The following USP12 variants were observed in gnomAD, a reference collection of about 807,000 sequenced individuals.
The protein encoded by USP12 is ubiquitin specific peptidase 12.
A neutral mutation model predicts 45.5 loss-of-function variants in USP12; 19 were observed. The observed-to-expected ratio is 0.42, with a 90% CI of 0.29 to 0.61. USP12 has a LOEUF of 0.61. Among genes scored for constraint, USP12 ranks in the 20% least tolerant of loss-of-function variants. The pLI is 0.22. For synonymous variants in USP12, 149 were observed against 148.8 expected, an observed-to-expected ratio of 1.00 and a Z score of -0.01; for missense variants, 242 against 447.7, an observed-to-expected ratio of 0.54 and a Z score of 4.15.
At chr13:27,147,267 C>A (rs960355366) in intron 1 of USP12, among the ~76,000 whole-genome samples, 1 of 152,192 alleles carries the variant, frequency 6.6e-6, no homozygotes, top group Non-Finnish European at 1.5e-5. Flanking sequence ...AGAATGATAC[C>A]TAATCTAAGC....
chr13:27,152,096 T>A (rs560376459), intron 1 of USP12, among the ~76,000 whole-genome samples: 7 of 152,216 alleles, frequency 4.6e-5, no homozygotes, highest in South Asian at 4.1e-4. Context: ...GTCTGGTAGA[T>A]CCTCAAAAGA....
At chr13:27,097,379 C>T (rs1013149134) in intron 3 of USP12, among the ~76,000 whole-genome samples, 1 of 152,160 alleles carries the variant, frequency 6.6e-6, no homozygotes, top group African/African-American at 2.4e-5. Context: ...GCAGAAGAAT[C>T]GCTTGAACCC....
intron 1 of USP12, among the ~76,000 whole-genome samples, chr13:27,149,000 T>C (rs1013277277): frequency 6.6e-6 from 1 of 151,780 alleles, no homozygotes; most frequent in Non-Finnish European, 1.5e-5. Flanking sequence ...CTGGGCAACA[T>C]GGTGAGAACC....
rs552573383 is a variant in USP12 at position 27,096,826 on chromosome 13, T to C, written c.344-996A>G. ...ACATTTTATTTTTAGATCCTCAATG[T>C]ACATTTAATAAGTTCCAGAAAGATT... On this transcript the variant is annotated intron_variant, in intron 3 of 8. Transcript: ENST00000282344. 5.9e-5 allele frequency among the ~76,000 whole-genome samples: 9 copies of C among 152,294 alleles called. No homozygotes were observed. In the East Asian group the frequency reaches 1.7e-3, roughly 29 times the overall value.
chr13:27,115,523 CTATTT>C (rs1875686924), intron 2 of USP12, among the ~76,000 whole-genome samples: 1 of 152,130 alleles, frequency 6.6e-6, no homozygotes, highest in African/African-American at 2.4e-5. Context: ...ACTGTGTTAC[CTATTT>C]TATCAATATA....
intron 1 of USP12, among the ~76,000 whole-genome samples, chr13:27,171,034 G>A (rs537060983): frequency 1.3e-5 from 2 of 152,174 alleles, no homozygotes; most frequent in Non-Finnish European, 2.9e-5. Flanking sequence ...TCCTCTCCCA[G>A]GCGGGAATGA....
At chr13:27,165,926 A>AAT (rs1555240242) in intron 1 of USP12, among the ~76,000 whole-genome samples, 1 of 152,024 alleles carries the variant, frequency 6.6e-6, no homozygotes, top group Non-Finnish European at 1.5e-5. Flanking sequence ...AGAGCAAAAA[A>AAT]AATAATAATA....
rs915669046 is a variant in USP12, at chr13:27,153,559, C to T, written c.48+18033G>A. Among the ~76,000 whole-genome samples, 10 of 152,238 alleles carry T rather than the reference C, an allele frequency of 6.6e-5. No individual in the cohort carries two copies. The South Asian group carries it at 1.2e-3, about 19-fold the overall frequency. ...AAAAGCTGTGCTATCATCCATTAATCGGTACATTAGAGTTACAGATCCTTT... is the reference window on the plus strand; with the variant it reads ...AAAAGCTGTGCTATCATCCATTAATTGGTACATTAGAGTTACAGATCCTTT... On this transcript the variant is annotated intron_variant, in intron 1 of 8. Coordinates refer to ENST00000282344, the MANE Select transcript of USP12 (RefSeq NM_182488.4).
chr13:27,077,787 C>T (rs1873558967), intron 6 of USP12: 1 of 152,032 alleles, frequency 6.6e-6, no homozygotes, highest in African/African-American at 2.4e-5. Flanking sequence ...AGTTGATTTC[C>T]TGCTCAAAAC....
chr13:27,143,698 A>AT (rs1491054647), intron 1 of USP12, among the ~76,000 whole-genome samples: 2 of 152,250 alleles, frequency 1.3e-5, no homozygotes, highest in African/African-American at 2.4e-5. Context: ...CATGTTCCAC[A>AT]TGATAACCTG....
chr13:27,069,702 C>CTG (rs1339045657), intron 8 of USP12, among the ~76,000 whole-genome samples: 1 of 152,218 alleles, frequency 6.6e-6, no homozygotes, highest in Non-Finnish European at 1.5e-5. Context: ...AATCCCAGTA[C>CTG]TGTGGGAGGC....
At chr13:27,160,234 T>G (rs746175178) in intron 1 of USP12, among the ~76,000 whole-genome samples, 1 of 152,218 alleles carries the variant, frequency 6.6e-6, no homozygotes, top group Non-Finnish European at 1.5e-5. Flanking sequence ...AAGACAATGA[T>G]ACAAATATCC....
chr13:27,127,234 G>A (rs1475469014), intron 1 of USP12, among the ~76,000 whole-genome samples: 2 of 152,152 alleles, frequency 1.3e-5, no homozygotes, highest in Non-Finnish European at 2.9e-5. Context: ...AAGTAGAAGG[G>A]TCTAGACCTA....
In USP12 at chr13:27,125,553, G is replaced by C. The variant is rs1260408636; in HGVS notation, c.49-8957C>G. Among the ~76,000 whole-genome samples, 4 of 152,312 alleles carry C rather than the reference G, an allele frequency of 2.6e-5. No homozygotes were observed. The East Asian group carries it at 7.7e-4, about 29-fold the overall frequency. ...CCTGCGAGATCGATGCAGAAGGCGG[G>C]TGATTTCTGCATTTCCATCTGAGGT... On this transcript the variant is annotated intron_variant, in intron 1 of 8. Transcript: ENST00000282344.
chr13:27,120,338 A>G (rs1183216987), intron 1 of USP12, among the ~76,000 whole-genome samples: 1 of 152,188 alleles, frequency 6.6e-6, no homozygotes, highest in Non-Finnish European at 1.5e-5. Flanking sequence ...TGGGATAAAG[A>G]GAAGGCGTGA....
intron 4 of USP12, among the ~76,000 whole-genome samples, chr13:27,091,306 A>G (rs1874303708): frequency 6.6e-6 from 1 of 152,348 alleles, no homozygotes; most frequent in Admixed American, 6.5e-5. Flanking sequence ...TAAAAGTTAC[A>G]CAGTCTGGTG....
chr13:27,146,085 C>A (rs972929221), intron 1 of USP12, among the ~76,000 whole-genome samples: 11 of 152,072 alleles, frequency 7.2e-5, no homozygotes, highest in African/African-American at 2.2e-4. Context: ...CTTTTATAAT[C>A]AATCAAACAG....
chr13:27,134,226 A>G (rs978067480), intron 1 of USP12, among the ~76,000 whole-genome samples: 5 of 152,212 alleles, frequency 3.3e-5, no homozygotes, highest in Admixed American at 1.3e-4. Flanking sequence ...AGCTCTCTCT[A>G]TAGGGTTACT....
chr13:27,116,523 A>T lies in USP12; in HGVS notation c.122T>A (p.Leu41Ter). The change falls in exon 2 of 9, where the codon TTA (leucine) becomes TAA (stop). Residue 41 changes from leucine to a stop codon, truncating the protein, a stop_gained. Coordinates refer to ENST00000282344, the MANE Select transcript of USP12 (RefSeq NM_182488.4). LOFTEE classifies it high-confidence loss of function. ...GTATCAATGGATACTTACATTGACT[A>T]ATCCAAAATAGTGCTCATTGACCGG... ...QFPVNEHYFG[L>*]VNFGNTCYCN... 1 of 1,613,482 alleles carries T rather than the reference A, an allele frequency of 6.2e-7. No individual in the cohort carries two copies. Among genetic ancestry groups the T allele is most frequent in the Admixed American group, 1.7e-5 (1 of 59,982 alleles).
Sources: allele counts gnomAD v4.1 joint callset (sites outside exome capture counted in the v4.1 genomes callset), GRCh38; gene constraint gnomAD v4.1.1; transcripts MANE v1.5; gene names NCBI Gene and HGNC (gene_info 2026-07-23, HGNC 2026-07-21).